Variants in ZNF786 observed in about 807,000 individuals in gnomAD.
The protein encoded by ZNF786 is zinc finger protein 786.
ZNF786 carries 56 observed loss-of-function variants against 63.1 expected under a neutral mutation model. The ratio of observed to expected loss-of-function variants is 0.89; its 90% CI spans 0.72 to 1.11. The LOEUF (loss-of-function observed/expected upper bound fraction) is 1.11. ZNF786 is among the 50% of genes least tolerant of loss of function. The pLI, the probability that ZNF786 is intolerant of heterozygous loss-of-function variation, is 0.00. For synonymous variants in ZNF786, 485 were observed against 406.9 expected, an observed-to-expected ratio of 1.19 and a Z score of -2.31; for missense variants, 1,213 against 1,041.8, an observed-to-expected ratio of 1.16 and a Z score of -2.26.
At chr7:149,087,993 C>CTTTTT (rs11304737) in intron 1 of ZNF786, among the ~76,000 whole-genome samples, 3 of 126,272 alleles carry the variant, frequency 2.4e-5, no homozygotes, top group Non-Finnish European at 3.3e-5. Flanking sequence ...GTTGCCCAGG[C>CTTTTT]TTTTTTTTTT....
chr7:149,074,878 T>G (rs1534197), intron 2 of ZNF786, among the ~76,000 whole-genome samples: 1 of 151,786 alleles, frequency 6.6e-6, no homozygotes, highest in African/African-American at 2.4e-5. Flanking sequence ...CTCACTCCAG[T>G]TGCCAAGGCT....
chr7:149,083,177 G>A (rs962733981), intron 1 of ZNF786, among the ~76,000 whole-genome samples: 2 of 151,938 alleles, frequency 1.3e-5, no homozygotes, highest in South Asian at 2.1e-4. Flanking sequence ...GATTACAGGC[G>A]CGAGCCACCG....
Position 149,074,508 on chromosome 7 carries a change from GAT to G in ZNF786, c.174_175del (p.Ser59LeufsTer3), listed in dbSNP as rs1020369917. The G allele has an allele frequency of 5.0e-6, 8 of 1,613,684 alleles. No individual in the cohort carries two copies. Among genetic ancestry groups the G allele is most frequent in the Non-Finnish European group, 5.9e-6 (7 of 1,179,842 alleles). The stretch of plus-strand genomic sequence containing the variant: ...GGGCTCTCCCCCGTGTTCAATCCAG[GAT>G]ATTAGTTCTGGTTTTGGAAGTCCAT... On this transcript the variant is annotated frameshift_variant, in exon 3 of 4. Coordinates refer to ENST00000491431, the MANE Select transcript of ZNF786 (RefSeq NM_152411.4). LOFTEE classifies it high-confidence loss of function.
At chr7:149,085,595 G>A (rs10241833) in intron 1 of ZNF786, among the ~76,000 whole-genome samples, 1,570 of 152,216 alleles carry the variant, frequency 0.01, 30 homozygotes, top group African/African-American at 0.035. Flanking sequence ...GATTACAGGC[G>A]TGAGCCACCA....
intron 2 of ZNF786, among the ~76,000 whole-genome samples, chr7:149,075,248 A>G (rs1563137932): frequency 6.6e-6 from 1 of 152,304 alleles, no homozygotes; most frequent in East Asian, 1.9e-4. Context: ...TTAAGTTATT[A>G]TTACTATTGT....
Position 149,071,905 on chromosome 7 carries a change from C to A in ZNF786, c.867G>T (p.Pro289=). The A allele has an allele frequency of 6.2e-7, 1 of 1,604,456 alleles. No individual in the cohort carries two copies. Among genetic ancestry groups the A allele is most frequent in the Non-Finnish European group, 8.5e-7 (1 of 1,176,458 alleles). Residue 289 remains proline (P), a synonymous_variant, in exon 4 of 4, where the codon CCG becomes CCT. Coordinates refer to ENST00000491431, the MANE Select transcript of ZNF786 (RefSeq NM_152411.4). ...HELTHPSHRL[P]QQGEKPAQCT... ...ACTGGGCAGGCTTCTCCCCCTGCTG[C>A]GGGAGGCGGTGGCTGGGATGGGTCA...
intron 1 of ZNF786, among the ~76,000 whole-genome samples, chr7:149,085,162 C>G (rs1294779444): frequency 1.3e-5 from 2 of 152,080 alleles, no homozygotes; most frequent in Admixed American, 6.6e-5. Flanking sequence ...TGTCTGTTTT[C>G]TTACCAGTAC....
chr7:149,089,419 A>G (rs953132288), intron 1 of ZNF786, among the ~76,000 whole-genome samples: 1 of 150,758 alleles, frequency 6.6e-6, no homozygotes, highest in Non-Finnish European at 1.5e-5. Context: ...AGTTCAAGCA[A>G]TTCTCCCTAC....
chr7:149,084,786 CTTAGT>C (rs1363655392), intron 1 of ZNF786, among the ~76,000 whole-genome samples: 1 of 152,106 alleles, frequency 6.6e-6, no homozygotes, highest in Non-Finnish European at 1.5e-5. Context: ...ATAGAAGCTC[CTTAGT>C]TTAATTAGGT....
chr7:149,088,317 T>C (rs748569809), intron 1 of ZNF786, among the ~76,000 whole-genome samples: 24 of 152,190 alleles, frequency 1.6e-4, no homozygotes, highest in African/African-American at 5.3e-4. Flanking sequence ...CAGGCTTATT[T>C]CAGGCAGTTT....
In ZNF786 at chr7:149,071,976, C is replaced by T. The variant is rs201404118; in HGVS notation, c.796G>A (p.Gly266Ser). The T allele has an allele frequency of 1.5e-4, 241 of 1,612,418 alleles. 1 individual carries two copies. The highest frequency in any genetic ancestry group is 2.0e-4 in the Non-Finnish European group (231 of 1,179,846). Residue 266 changes from glycine (G) to serine (S), a missense_variant, in exon 4 of 4, where the codon GGC (glycine) becomes AGC (serine). By Grantham distance (56) the Gly-to-Ser change is moderately conservative (BLOSUM62 0). Transcript: ENST00000491431. The part of the protein sequence containing the change: ...LRHLAAHTGR[G>S]PFRNADGEMC... ...TCACCGTCAGCGTTCCGGAAGGGGCCCCTCCCCGTGTGGGCCGCCAGATGG... is the reference window on the plus strand; with the variant it reads ...TCACCGTCAGCGTTCCGGAAGGGGCTCCTCCCCGTGTGGGCCGCCAGATGG...
Position 149,070,984 on chromosome 7 carries a change from T to G in ZNF786, c.1788A>C (p.Pro596=). 2 of 1,612,892 alleles carry G rather than the reference T, an allele frequency of 1.2e-6. No homozygotes were observed. The highest frequency in any genetic ancestry group is 1.7e-6 in the Non-Finnish European group (2 of 1,179,806). Residue 596 remains proline (P), a synonymous_variant, in exon 4 of 4, where the codon CCA becomes CCC. Transcript: ENST00000491431. Reference sequence around the variant, plus strand: ...TCAGGCGGAAGCTCCTGTTGCACTCTGGGCACTGGAAGGGTCTCTCCCCGC... The same window carrying G: ...TCAGGCGGAAGCTCCTGTTGCACTCGGGGCACTGGAAGGGTCTCTCCCCGC... ...VHSGERPFQC[P]ECNRSFRLKG...
At position 149,088,452 on chromosome 7, in the gene ZNF786, G is replaced by GT. The variant is rs1229006333; in HGVS notation, c.18+2170dup. Among the ~76,000 whole-genome samples the GT allele has an allele frequency of 8.7e-4, 133 of 152,292 alleles. 1 individual carries two copies. The highest frequency in any genetic ancestry group is 3.0e-3 in the African/African-American group (126 of 41,568). Reference sequence around the variant, plus strand: ...AACATTTCTCCCAATAAGCTCTGTGGTTTTTATTGCACAATTTTGCATAGC... The same window carrying GT: ...AACATTTCTCCCAATAAGCTCTGTGGTTTTTTATTGCACAATTTTGCATAGC... On this transcript the variant is annotated intron_variant, in intron 1 of 3. Coordinates refer to ENST00000491431, the MANE Select transcript of ZNF786 (RefSeq NM_152411.4).
intron 3 of ZNF786, among the ~76,000 whole-genome samples, chr7:149,073,724 C>CGTGTGTGTGT (rs375323153): frequency 0.01 from 680 of 67,620 alleles, 22 homozygotes; most frequent in East Asian, 0.029. Context: ...TATATGTGTG[C>CGTGTGTGTGT]GTGTGTGTGT....
chr7:149,080,580 A>C lies in ZNF786; in HGVS notation c.145+11T>G, dbSNP rs770536669. The C allele has an allele frequency of 1.9e-6, 3 of 1,579,758 alleles. No individual in the cohort carries two copies. In the Admixed American group the frequency reaches 5.9e-5, roughly 31 times the overall value. ...TTCCATGACCTACCCACAAAGGTGAACAGGTCTTACCTAGAGAGACGAGAG... is the reference window on the plus strand; with the variant it reads ...TTCCATGACCTACCCACAAAGGTGACCAGGTCTTACCTAGAGAGACGAGAG... On this transcript the variant is annotated intron_variant, in intron 2 of 3. Coordinates refer to ENST00000491431, the MANE Select transcript of ZNF786 (RefSeq NM_152411.4).
At position 149,080,571 on chromosome 7, in the gene ZNF786, CA is replaced by C. The variant is rs1825632757; in HGVS notation, c.145+19del. ...AGGATCCAGTTCCATGACCTACCCA[CA>C]AAGGTGAACAGGTCTTACCTAGAGA... On this transcript the variant is annotated intron_variant, in intron 2 of 3. Transcript: ENST00000491431. 3 of 1,564,546 alleles carry C rather than the reference CA, an allele frequency of 1.9e-6. No homozygotes were observed. In the South Asian group the frequency reaches 3.7e-5, roughly 19 times the overall value.
chr7:149,081,056 A>AT (rs1825642691), intron 1 of ZNF786: 1 of 466,204 alleles, frequency 2.1e-6, no homozygotes, highest in Non-Finnish European at 4.2e-6. Context: ...ATATTGAGGC[A>AT]AATTCATTTT....
At chr7:149,075,928 G>A (rs1825540234) in intron 2 of ZNF786, among the ~76,000 whole-genome samples, 1 of 151,958 alleles carries the variant, frequency 6.6e-6, no homozygotes, top group South Asian at 2.1e-4. Context: ...CTCCGAAAGT[G>A]CTGGGATTAT....
At chr7:149,082,046 G>A (rs1166408232) in intron 1 of ZNF786, among the ~76,000 whole-genome samples, 2 of 152,172 alleles carry the variant, frequency 1.3e-5, no homozygotes, top group Admixed American at 6.6e-5. Context: ...GCTTGACATG[G>A]TTTGGCTCTG....
Sources: allele counts gnomAD v4.1 joint callset (sites outside exome capture counted in the v4.1 genomes callset), GRCh38; gene constraint gnomAD v4.1.1; transcripts MANE v1.5; gene names NCBI Gene and HGNC (gene_info 2026-07-23, HGNC 2026-07-21).